The following RTF1 variants were observed in gnomAD, a reference collection of about 807,000 sequenced individuals.
The protein encoded by RTF1 is RTF1 homolog, Paf1/RNA polymerase II complex component, also known as RNA polymerase-associated protein RTF1 homolog.
In RTF1, 10 loss-of-function variants were observed where a neutral mutation model predicts 95.7. The observed-to-expected ratio is 0.10, with a 90% CI of 0.06 to 0.18. The LOEUF (loss-of-function observed/expected upper bound fraction) is 0.18. RTF1 is among the 10% of genes least tolerant of loss of function. The probability of loss-of-function intolerance (pLI) is 1.00; values close to 1 mark genes in which losing one functional copy is unlikely to be tolerated. For synonymous variants in RTF1, 305 were observed against 311.8 expected (o/e 0.98, Z 0.23); for missense variants, 458 against 875.6 (o/e 0.52, Z 6.02).
intron 6 of RTF1, 104 bp downstream of exon 6, chr15:41,466,356 C>G (rs1255387818): frequency 1.5e-6 from 1 of 678,184 alleles, no homozygotes. Flanking sequence ...ATATAAAATT[C>G]CAGCACATAC....
intron 1 of RTF1, among the ~76,000 whole-genome samples, chr15:41,435,730 A>C (rs2050698359): frequency 6.6e-6 from 1 of 152,176 alleles, no homozygotes; most frequent in African/African-American, 2.4e-5. Flanking sequence ...TAAAATAGAG[A>C]CTGGAAGAAT....
At position 41,481,640 on chromosome 15, in the gene RTF1, A is replaced by G. The variant is rs1044525281; in HGVS notation, c.*953A>G. The G allele has an allele frequency of 1.7e-4, 26 of 152,530 alleles. No individual in the cohort carries two copies. Among genetic ancestry groups the G allele is most frequent in the African/African-American group, 5.3e-4 (22 of 41,454 alleles). 9.4% of individuals were successfully genotyped at this position (152,530 alleles called of 1,614,324 possible). ...CTTGCTCTTCCCATGGGTACAGCCC[A>G]CAGCTTCTTGGCTGAACGTAGAACT... On this transcript the variant is annotated 3_prime_UTR_variant, in exon 18 of 18. Transcript: ENST00000389629.
rs372907279 is a variant in RTF1, at chr15:41,438,391, C to G, written c.269C>G (p.Ala90Gly). The G allele has an allele frequency of 1.1e-4, 178 of 1,551,020 alleles. No homozygotes were observed. The highest frequency in any genetic ancestry group is 1.5e-4 in the Non-Finnish European group (167 of 1,146,594). Residue 90 changes from alanine to glycine, a missense_variant, in exon 2 of 18, where the codon GCA becomes GGA. Ala to Gly is a moderately conservative substitution (Grantham distance 60). Transcript: ENST00000389629. The part of the protein sequence containing the change: ...EEKEPPVSQP[A>G]ASSDSETSDS... ...AAGGAGCCGCCTGTGAGTCAGCCTGCAGCCTCGTCAGACTCGGAGACGTCT... is the reference window on the plus strand; with the variant it reads ...AAGGAGCCGCCTGTGAGTCAGCCTGGAGCCTCGTCAGACTCGGAGACGTCT...
intron 1 of RTF1, among the ~76,000 whole-genome samples, chr15:41,419,636 T>A (rs557879462): frequency 7.6e-4 from 116 of 152,322 alleles, no homozygotes; most frequent in African/African-American, 2.7e-3. Flanking sequence ...GATTTCTTGG[T>A]AAAGCACTCT....
Position 41,480,243 on chromosome 15 carries a change from T to C in RTF1, c.1944T>C (p.Ser648=), listed in dbSNP as rs1470828226. ...AAGGCAAAGATAAAGATTTGAATTC[T>C]AAGTCAGCCAGTGACCTCTCAGAAG... ...KGQGKDKDLN[S]KSASDLSEDL... is the part of the protein sequence containing the mutation. The change falls in exon 17 of 18, where the codon TCT becomes TCC. Residue 648 remains serine (S), a synonymous_variant. Transcript: ENST00000389629. The C allele has an allele frequency of 6.2e-7, 1 of 1,613,534 alleles. No homozygotes were observed. Among genetic ancestry groups the C allele is most frequent in the Non-Finnish European group, 8.5e-7 (1 of 1,179,422 alleles).
intron 1 of RTF1, among the ~76,000 whole-genome samples, chr15:41,429,383 T>G (rs1034971605): frequency 1.3e-5 from 2 of 152,084 alleles, no homozygotes; most frequent in Non-Finnish European, 2.9e-5. Context: ...CTGAGTCCTC[T>G]CTGTACTTCC....
In RTF1 at chr15:41,417,184, C is replaced by A; in HGVS notation, c.69C>A (p.Gly23=). 3.2e-6 allele frequency: 4 copies of A among 1,264,564 alleles called. No individual in the cohort carries two copies. The highest frequency in any genetic ancestry group is 4.0e-6 in the Non-Finnish European group (4 of 1,000,972). The allele number at this position is 1,264,564 out of a possible 1,614,324, so 78.3% of individuals were successfully genotyped here. The change falls in exon 1 of 18, where the codon GGC becomes GGA. Residue 23 remains glycine (G), a synonymous_variant. Coordinates refer to ENST00000389629, the MANE Select transcript of RTF1 (RefSeq NM_015138.5). Reference sequence around the variant, plus strand: ...CGGCAGTGGCGGTCCCACTGGCAGGCGGGCAAGAGGGGAGTCCGGGCGGCG... The same window carrying A: ...CGGCAGTGGCGGTCCCACTGGCAGGAGGGCAAGAGGGGAGTCCGGGCGGCG... ...AAAAVAVPLA[G]GQEGSPGGGR... is the part of the protein sequence containing the mutation.
At chr15:41,434,617 CTAA>C (rs1489092700) in intron 1 of RTF1, among the ~76,000 whole-genome samples, 1 of 148,450 alleles carries the variant, frequency 6.7e-6, no homozygotes, top group Non-Finnish European at 1.5e-5. Context: ...GAAGGCAGTA[CTAA>C]TGTCTTTTTT....
At chr15:41,452,766 T>C (rs1370952101) in intron 2 of RTF1, 135 bp from the exon 3 acceptor site, 10 of 681,008 alleles carry the variant, frequency 1.5e-5, no homozygotes, top group Non-Finnish European at 2.0e-5. Flanking sequence ...AAAATCTGTA[T>C]TTTTTTTCAT....
intron 6 of RTF1, among the ~76,000 whole-genome samples, chr15:41,467,418 A>G (rs2050885936): frequency 1.3e-5 from 2 of 152,160 alleles, no homozygotes; most frequent in South Asian, 4.1e-4. Flanking sequence ...GAAGAATTAG[A>G]AAGGATACTG....
At chr15:41,460,797 C>T (rs771532660) in intron 4 of RTF1, among the ~76,000 whole-genome samples, 4 of 151,390 alleles carry the variant, frequency 2.6e-5, no homozygotes, top group Non-Finnish European at 4.4e-5. Context: ...GGATTCAAGC[C>T]AGCCTCCCAC....
chr15:41,444,570 C>T (rs2050751517), intron 2 of RTF1, among the ~76,000 whole-genome samples: 1 of 152,160 alleles, frequency 6.6e-6, no homozygotes, highest in African/African-American at 2.4e-5. Flanking sequence ...GCTAGGATTA[C>T]AGGCGTGACC....
At chr15:41,479,039 G>A (rs2050956690) in intron 15 of RTF1, 64 bp from the exon 16 acceptor site, 3 of 1,148,732 alleles carry the variant, frequency 2.6e-6, no homozygotes, top group Non-Finnish European at 3.9e-6. Context: ...AGGTGGGAAA[G>A]AATCTGGCAG....
At chr15:41,466,014 C>G (rs770810657) in intron 5 of RTF1, 127 bp from the exon 6 acceptor site, 2 of 555,404 alleles carry the variant, frequency 3.6e-6, no homozygotes, top group Non-Finnish European at 3.1e-6. Flanking sequence ...TCTCCCCTTA[C>G]ATAAAAGCTC....
intron 1 of RTF1, among the ~76,000 whole-genome samples, chr15:41,417,857 C>T (rs992820874): frequency 1.3e-5 from 2 of 152,098 alleles, no homozygotes; most frequent in Non-Finnish European, 2.9e-5. Flanking sequence ...GATGACTTAG[C>T]TGTGGGCACG....
At chr15:41,434,789 G>A (rs1164052665) in intron 1 of RTF1, among the ~76,000 whole-genome samples, 5 of 151,282 alleles carry the variant, frequency 3.3e-5, no homozygotes, top group Non-Finnish European at 5.9e-5. Flanking sequence ...CACCATGCCC[G>A]GCTAATTTTT....
intron 2 of RTF1, among the ~76,000 whole-genome samples, chr15:41,443,794 G>A (rs1050439121): frequency 6.6e-6 from 1 of 152,004 alleles, no homozygotes; most frequent in African/African-American, 2.4e-5. Context: ...TGGGCCGGGT[G>A]CAGTGGCTCA....
chr15:41,453,631 G>A (rs925711778), intron 3 of RTF1, among the ~76,000 whole-genome samples: 1 of 151,748 alleles, frequency 6.6e-6, no homozygotes, highest in Non-Finnish European at 1.5e-5. Flanking sequence ...GGAGGCTGAG[G>A]CGAGAGGCTT....
chr15:41,454,223 G>A (rs908267097), intron 3 of RTF1, among the ~76,000 whole-genome samples: 1 of 151,972 alleles, frequency 6.6e-6, no homozygotes, highest in Non-Finnish European at 1.5e-5. Context: ...TCAAGCAGCT[G>A]GGATTACAGA....
Sources: gnomAD v4.1 joint callset for allele counts (sites outside exome capture counted in the v4.1 genomes callset) on GRCh38, gnomAD v4.1.1 for gene constraint, MANE v1.5 for transcripts, NCBI Gene and HGNC (gene_info 2026-07-23, HGNC 2026-07-21) for gene names.